ZNF696: variants seen among roughly 807,000 people sequenced by gnomAD.
ZNF696 encodes zinc finger protein 696.
Under a neutral mutation model 12.3 loss-of-function variants are expected in ZNF696, and 10 were observed. That is an observed-to-expected ratio of 0.81 (90% CI 0.50 to 1.38). ZNF696 has a LOEUF of 1.38. Ranked by LOEUF, ZNF696 falls within the 40% of genes most tolerant of loss-of-function variation. The pLI is 0.00. For synonymous variants in ZNF696, 304 were observed against 243.9 expected (o/e 1.25, Z -2.29); for missense variants, 675 against 554.7 (o/e 1.22, Z -2.18).
Position 143,298,762 on chromosome 8 carries a change from T to A in ZNF696, c.*1962T>A, listed in dbSNP as rs981935812. On this transcript the variant is annotated 3_prime_UTR_variant, in exon 3 of 3. Coordinates refer to ENST00000330143, the MANE Select transcript of ZNF696 (RefSeq NM_030895.3). ...TAGGCAGGACTCCTTAAAGAACTTT[T>A]GGAAATGAAAAACAGGCCAGGTGCA... Among the ~76,000 whole-genome samples the A allele has an allele frequency of 1.3e-5, 2 of 152,174 alleles. No individual in the cohort carries two copies. The highest frequency in any genetic ancestry group is 4.8e-5 in the African/African-American group (2 of 41,436).
At position 143,296,740 on chromosome 8, in the gene ZNF696, C is replaced by T. The variant is rs763747019; in HGVS notation, c.1065C>T (p.Gly355=). ...AGCCGTTCCGCTGCACCGAGTGCGG[C>T]CGCGCCTTCCGCCTGAGCTTCCACC... The part of the protein sequence containing the change: ...GEKPFRCTEC[G]RAFRLSFHLI... The change falls in exon 3 of 3, where the codon GGC becomes GGT. Residue 355 remains glycine, a synonymous_variant. Transcript: ENST00000330143. 1.3e-6 allele frequency: 2 copies of T among 1,496,698 alleles called. No homozygotes were observed. Among genetic ancestry groups the T allele is most frequent in the Non-Finnish European group, 1.8e-6 (2 of 1,133,444 alleles). The allele number at this position is 1,496,698 out of a possible 1,614,324, so 92.7% of individuals were successfully genotyped here.
Position 143,295,977 on chromosome 8 carries a change from G to GC in ZNF696, c.304dup (p.Leu102ProfsTer398), listed in dbSNP as rs1442407531. On this transcript the variant is annotated frameshift_variant, in exon 3 of 3. Coordinates refer to ENST00000330143, the MANE Select transcript of ZNF696 (RefSeq NM_030895.3). LOFTEE classifies it low-confidence loss of function (END_TRUNC). Reference sequence around the variant, plus strand: ...TCTGAGAAAACTGGAGGACAGAGTGGCCTCGAGTCAGACGTCCCTCCGAAC... The same window carrying GC: ...TCTGAGAAAACTGGAGGACAGAGTGGCCCTCGAGTCAGACGTCCCTCCGAAC... 1 of 1,584,818 alleles carries GC rather than the reference G, an allele frequency of 6.3e-7. No homozygotes were observed. The highest frequency in any genetic ancestry group is 8.6e-7 in the Non-Finnish European group (1 of 1,165,086).
Position 143,295,885 on chromosome 8 carries a change from T to C in ZNF696, c.210T>C (p.Ser70=). The C allele has an allele frequency of 6.4e-7, 1 of 1,566,594 alleles. No individual in the cohort carries two copies. The highest frequency in any genetic ancestry group is 8.7e-7 in the Non-Finnish European group (1 of 1,155,114). The part of the protein sequence containing the change: ...HRGGPPRALG[S]LGLCENQEAR... ...GGGGGCCTCCCCGGGCGTTGGGGTCTCTTGGCCTTTGTGAAAACCAGGAAG... is the reference window on the plus strand; with the variant it reads ...GGGGGCCTCCCCGGGCGTTGGGGTCCCTTGGCCTTTGTGAAAACCAGGAAG... Residue 70 remains serine (S), a synonymous_variant, in exon 3 of 3, where the codon TCT becomes TCC. Transcript: ENST00000330143.
chr8:143,295,634 C>T, intron 2 of ZNF696, 106 bp from the exon 3 acceptor site: 1 of 1,255,290 alleles, frequency 8.0e-7, no homozygotes, highest in Non-Finnish European at 1.1e-6. Context: ...CTGTGGCACA[C>T]TGACGTCACC....
rs1385677270 is a variant in ZNF696 at position 143,291,632 on chromosome 8, C to T, written c.-166C>T. On this transcript the variant is annotated 5_prime_UTR_variant, in exon 1 of 3. The change creates a new upstream start codon in the 5' untranslated region. Coordinates refer to ENST00000330143, the MANE Select transcript of ZNF696 (RefSeq NM_030895.3). ...GCAGGTGCGTACCCGGGGTCCGACACGTGCGGGGCTTCCTGCGAGCTGAGT... is the reference window on the plus strand; with the variant it reads ...GCAGGTGCGTACCCGGGGTCCGACATGTGCGGGGCTTCCTGCGAGCTGAGT... 122 of 985,372 alleles carry T rather than the reference C, an allele frequency of 1.2e-4. No individual in the cohort carries two copies. The highest frequency in any genetic ancestry group is 5.2e-4 in the Middle Eastern group (1 of 1,934). The allele number at this position is 985,372 out of a possible 1,614,324, so 61.0% of individuals were successfully genotyped here.
Position 143,296,537 on chromosome 8 carries a change from A to G in ZNF696, c.862A>G (p.Thr288Ala). 6.2e-7 allele frequency: 1 copy of G among 1,603,834 alleles called. No homozygotes were observed. The highest frequency in any genetic ancestry group is 8.5e-7 in the Non-Finnish European group (1 of 1,178,444). The change falls in exon 3 of 3, where the codon ACG becomes GCG. Residue 288 changes from threonine (T) to alanine (A), a missense_variant. By Grantham distance (58) the Thr-to-Ala change is moderately conservative. Coordinates refer to ENST00000330143, the MANE Select transcript of ZNF696 (RefSeq NM_030895.3). ...CCTCCTCCAGCACCAGCGCGTGCAC[A>G]CGGGGGAGCGGCCCTTCGCCTGCCA... ...SNLLQHQRVH[T>A]GERPFACQDC...
In ZNF696 at chr8:143,291,426, G is replaced by T; in HGVS notation, c.-372G>T. On this transcript the variant is annotated 5_prime_UTR_variant, in exon 1 of 3. Transcript: ENST00000330143. ...CGACGGGGCGGGGACCGTAGCGGGT[G>T]CAGTCCAGCTGCTCTGGACGCTGAG... The T allele has an allele frequency of 1.0e-6, 1 of 986,180 alleles. No homozygotes were observed. The highest frequency in any genetic ancestry group is 1.2e-6 in the Non-Finnish European group (1 of 830,406). The allele number at this position is 986,180 out of a possible 1,614,324, so 61.1% of individuals were successfully genotyped here. A position where few individuals can be genotyped will look rare whatever the true frequency, so the allele number is the denominator to read the frequency against.
In ZNF696 at chr8:143,297,992, G is replaced by T. The variant is rs775531620; in HGVS notation, c.*1192G>T. ...TCATTTTTTAAAATGTTATTTTCTA[G>T]ATAGAAAAGTAGAAGTGTCTCTTTG... On this transcript the variant is annotated 3_prime_UTR_variant, in exon 3 of 3. Transcript: ENST00000330143. 2 of 152,152 alleles carry T rather than the reference G, an allele frequency of 1.3e-5. No homozygotes were observed. The highest frequency in any genetic ancestry group is 2.9e-5 in the Non-Finnish European group (2 of 68,024). The allele number at this position is 152,152 out of a possible 1,614,324, so 9.4% of individuals were successfully genotyped here. A position where few individuals can be genotyped will look rare whatever the true frequency, so the allele number is the denominator to read the frequency against.
Position 143,291,472 on chromosome 8 carries a change from G to T in ZNF696, c.-326G>T. Reference sequence around the variant, plus strand: ...CTGAGGCCCCGGCTTCTCTTGCTGGGGTGTCGATTCGGGAGGGCTGAGGGC... The same window carrying T: ...CTGAGGCCCCGGCTTCTCTTGCTGGTGTGTCGATTCGGGAGGGCTGAGGGC... On this transcript the variant is annotated 5_prime_UTR_variant, in exon 1 of 3. Transcript: ENST00000330143. 1.0e-6 allele frequency: 1 copy of T among 985,550 alleles called. No individual in the cohort carries two copies. The highest frequency in any genetic ancestry group is 1.2e-6 in the Non-Finnish European group (1 of 830,028). The allele number at this position is 985,550 out of a possible 1,614,324, so 61.1% of individuals were successfully genotyped here. A position where few individuals can be genotyped will look rare whatever the true frequency, so the allele number is the denominator to read the frequency against.
At chr8:143,294,356 G>A (rs1442533470) in intron 2 of ZNF696, among the ~76,000 whole-genome samples, 1 of 151,694 alleles carries the variant, frequency 6.6e-6, no homozygotes, top group Non-Finnish European at 1.5e-5. Flanking sequence ...GTGGGTTGCT[G>A]CTTCCAGCTC....
Position 143,295,959 on chromosome 8 carries a change from A to C in ZNF696, c.284A>C (p.Lys95Thr). The change falls in exon 3 of 3, where the codon AAA becomes ACA. Residue 95 changes from lysine (K) to threonine (T), a missense_variant. Coordinates refer to ENST00000330143, the MANE Select transcript of ZNF696 (RefSeq NM_030895.3). ...CCTCGAGGCCCGGTCACTTCTGAGA[A>C]AACTGGAGGACAGAGTGGCCTCGAG... Reference protein sequence around the residue: ...GSPRGPVTSEKTGGQSGLESD... With the variant: ...GSPRGPVTSETTGGQSGLESD... The C allele has an allele frequency of 1.3e-6, 2 of 1,575,628 alleles. No homozygotes were observed. Among genetic ancestry groups the C allele is most frequent in the Non-Finnish European group, 1.7e-6 (2 of 1,160,366 alleles).
intron 2 of ZNF696, chr8:143,293,373 G>C: frequency 1.9e-6 from 1 of 520,338 alleles, no homozygotes; most frequent in South Asian, 3.0e-5. Context: ...ACGAGTCTTT[G>C]TTGAGGGGCC....
At position 143,296,655 on chromosome 8, in the gene ZNF696, G is replaced by A. The variant is rs2129742060; in HGVS notation, c.980G>A (p.Gly327Glu). ...AAGCCCCACCAGTGCGGCCACTGCGGGCGCGCGTTCCGGGCGCTGTCGGGC... is the reference window on the plus strand; with the variant it reads ...AAGCCCCACCAGTGCGGCCACTGCGAGCGCGCGTTCCGGGCGCTGTCGGGC... ...GEKPHQCGHC[G>E]RAFRALSGFF... Residue 327 changes from glycine (G) to glutamate (E), a missense_variant, in exon 3 of 3, where the codon GGG (glycine) becomes GAG (glutamate). Physicochemically the swap from Gly to Glu is moderately conservative, Grantham distance 98. Coordinates refer to ENST00000330143, the MANE Select transcript of ZNF696 (RefSeq NM_030895.3). The A allele has an allele frequency of 1.9e-6, 3 of 1,580,444 alleles. No homozygotes were observed. The highest frequency in any genetic ancestry group is 3.5e-5 in the Admixed American group (2 of 57,236).
rs1158578793 is a variant in ZNF696, at chr8:143,296,780, C to T, written c.1105C>T (p.Arg369Trp). 7.0e-7 allele frequency: 1 copy of T among 1,431,324 alleles called. No homozygotes were observed. 88.7% of individuals were successfully genotyped at this position (1,431,324 alleles called of 1,614,324 possible). Residue 369 changes from arginine (R) to tryptophan (W), a missense_variant, in exon 3 of 3, where the codon CGG becomes TGG. Physicochemically the swap from Arg to Trp is moderately radical, Grantham distance 101. Coordinates refer to ENST00000330143, the MANE Select transcript of ZNF696 (RefSeq NM_030895.3). ...RLSFHLIQHR[R>W]VHGAE ...GAGCTTCCACCTCATCCAGCACCGG[C>T]GGGTGCATGGCGCCGAGTGAGCCGG...
chr8:143,296,039 GGGCGGCCTTTCCCGT>G lies in ZNF696; in HGVS notation c.366_380del (p.Arg123_Cys127del). 6.3e-7 allele frequency: 1 copy of G among 1,594,068 alleles called. No homozygotes were observed. The highest frequency in any genetic ancestry group is 8.5e-7 in the Non-Finnish European group (1 of 1,169,828). ...CGCAGAGGGCGGGGGCAGCTGGAAG[GGGCGGCCTTTCCCGT>G]GCGGCGCCTGTGGCCGCAGCTTCAA... On this transcript the variant is annotated inframe_deletion, in exon 3 of 3. Coordinates refer to ENST00000330143, the MANE Select transcript of ZNF696 (RefSeq NM_030895.3).
At chr8:143,295,408 G>A (rs1815690733) in intron 2 of ZNF696, 2 of 604,956 alleles carry the variant, frequency 3.3e-6, no homozygotes, top group African/African-American at 3.6e-5. Flanking sequence ...TGGCCAGGCT[G>A]GTCTTGAACT....
Position 143,291,596 on chromosome 8 carries a change from G to C in ZNF696, c.-202G>C, listed in dbSNP as rs958648596. On this transcript the variant is annotated 5_prime_UTR_variant, in exon 1 of 3. Transcript: ENST00000330143. Reference sequence around the variant, plus strand: ...AGCCGCTCTCGGGCGCGGCGTGGGGGAGGCGGCCCTGCAGGTGCGTACCCG... The same window carrying C: ...AGCCGCTCTCGGGCGCGGCGTGGGGCAGGCGGCCCTGCAGGTGCGTACCCG... 1 of 985,364 alleles carries C rather than the reference G, an allele frequency of 1.0e-6. No individual in the cohort carries two copies. Among genetic ancestry groups the C allele is most frequent in the Non-Finnish European group, 1.2e-6 (1 of 829,954 alleles). 61.0% of individuals were successfully genotyped at this position (985,364 alleles called of 1,614,324 possible).
rs958596442 is a variant in ZNF696 at position 143,291,453 on chromosome 8, C to T, written c.-345C>T. The stretch of plus-strand genomic sequence containing the variant: ...AGTCCAGCTGCTCTGGACGCTGAGG[C>T]CCCGGCTTCTCTTGCTGGGGTGTCG... On this transcript the variant is annotated 5_prime_UTR_variant, in exon 1 of 3. Transcript: ENST00000330143. The T allele has an allele frequency of 5.1e-6, 5 of 985,478 alleles. No homozygotes were observed. The highest frequency in any genetic ancestry group is 1.1e-4 in the East Asian group (1 of 8,810). 61.0% of individuals were successfully genotyped at this position (985,478 alleles called of 1,614,324 possible). A position where few individuals can be genotyped will look rare whatever the true frequency, so the allele number is the denominator to read the frequency against.
rs1815629467 is a variant in ZNF696 at position 143,291,759 on chromosome 8, T to G, written c.-39T>G. ...GTGAACAGGAGGGCCTGTTCCCTAA[T>G]TCTTGCCGGTAAGGTACTTGCAAAA... On this transcript the variant is annotated 5_prime_UTR_variant, in exon 1 of 3. Transcript: ENST00000330143. The G allele has an allele frequency of 1.0e-6, 1 of 985,348 alleles. No homozygotes were observed. Among genetic ancestry groups the G allele is most frequent in the African/African-American group, 1.7e-5 (1 of 57,254 alleles). The allele number at this position is 985,348 out of a possible 1,614,324, so 61.0% of individuals were successfully genotyped here.
Sources: allele counts gnomAD v4.1 joint callset (sites outside exome capture counted in the v4.1 genomes callset), GRCh38; gene constraint gnomAD v4.1.1; transcripts MANE v1.5; gene names NCBI Gene and HGNC (gene_info 2026-07-23, HGNC 2026-07-21).